Variants in FSTL4 observed in about 807,000 individuals in gnomAD.
The protein encoded by FSTL4 is follistatin-related protein 4.
FSTL4 carries 28 observed loss-of-function variants against 78.2 expected under a neutral mutation model. The ratio of observed to expected loss-of-function variants is 0.36; its 90% confidence interval spans 0.27 to 0.49. FSTL4 has a LOEUF of 0.49. Ranked by LOEUF, FSTL4 falls within the 20% of genes least tolerant of loss-of-function variation. The pLI is 0.98. For missense variants in FSTL4, 922 were observed against 1,084.9 expected, an observed-to-expected ratio of 0.85 and a Z score of 2.11; for synonymous variants, 422 against 440.5, an observed-to-expected ratio of 0.96 and a Z score of 0.53.
At chr5:133,517,249 C>A (rs1758872287) in intron 3 of FSTL4, among the ~76,000 whole-genome samples, 1 of 150,306 alleles carries the variant, frequency 6.7e-6, no homozygotes, top group African/African-American at 2.5e-5. Context: ...ATGGTGAAAC[C>A]TGTTCTCTAC....
the FSTL4 span, among the ~76,000 whole-genome samples, chr5:133,677,151 T>G: frequency 1.3e-3 from 197 of 152,248 alleles, 1 homozygote; most frequent in Non-Finnish European, 2.5e-3. Flanking sequence ...TGCCTCTGTT[T>G]AAAGGCTGAA....
chr5:133,353,470 C>T (rs1457775103), intron 4 of FSTL4, among the ~76,000 whole-genome samples: 2 of 152,160 alleles, frequency 1.3e-5, no homozygotes, highest in African/African-American at 4.8e-5. Context: ...AAAAGAGGCC[C>T]CAGGCGTTCC....
the FSTL4 span, among the ~76,000 whole-genome samples, chr5:133,653,429 G>A: frequency 1.1e-4 from 17 of 152,124 alleles, no homozygotes; most frequent in East Asian, 5.8e-4. Flanking sequence ...GAGGCGCCCC[G>A]TGTGAAAGCT....
At chr5:133,717,612 G>A in the FSTL4 span, among the ~76,000 whole-genome samples, 1 of 152,144 alleles carries the variant, frequency 6.6e-6, no homozygotes, top group African/African-American at 2.4e-5. Flanking sequence ...ACAATAATCT[G>A]CTTTCTGTGG....
At chr5:133,707,433 C>T in the FSTL4 span, among the ~76,000 whole-genome samples, 2 of 152,154 alleles carry the variant, frequency 1.3e-5, no homozygotes. Context: ...TCTTCTGGGA[C>T]CTAAATGCAA....
the FSTL4 span, among the ~76,000 whole-genome samples, chr5:133,729,085 G>A: frequency 1.3e-5 from 2 of 152,170 alleles, no homozygotes; most frequent in Admixed American, 6.5e-5. Flanking sequence ...CTGAAGCTGA[G>A]AGGAACAATT....
Position 133,400,999 on chromosome 5 carries a change from C to T in FSTL4, c.161-13G>A. On this transcript the variant is annotated splice_polypyrimidine_tract_variant and intron_variant, in intron 3 of 15. Transcript: ENST00000265342. ...TGGCTGGAAAGCCCTGCCAGACACA[C>T]AAACACAGAGGGTCAGCTGTAAACA... is the stretch of plus-strand genomic sequence containing the variant. The T allele has an allele frequency of 6.2e-7, 1 of 1,612,626 alleles. No homozygotes were observed. Among genetic ancestry groups the T allele is most frequent in the Non-Finnish European group, 8.5e-7 (1 of 1,179,930 alleles).
chr5:133,814,631 G>A, the FSTL4 span, among the ~76,000 whole-genome samples: 1 of 152,100 alleles, frequency 6.6e-6, no homozygotes, highest in African/African-American at 2.4e-5. Context: ...AAAAAATAAG[G>A]GCCAGAGAAG....
chr5:133,318,800 C>A (rs1003378695), intron 4 of FSTL4, among the ~76,000 whole-genome samples: 6 of 152,252 alleles, frequency 3.9e-5, no homozygotes, highest in African/African-American at 1.4e-4. Context: ...ATCCCCCCAA[C>A]CTTCCTCCTG....
Position 133,199,917 on chromosome 5 carries a change from C to T in FSTL4, c.1827-120G>A, listed in dbSNP as rs1750267773. ...TTATAATCCTTCAGTGATCTAATAGCCTAGTAATAAGATCTATCATTCTGC... is the reference window on the plus strand; with the variant it reads ...TTATAATCCTTCAGTGATCTAATAGTCTAGTAATAAGATCTATCATTCTGC... On this transcript the variant is annotated intron_variant, in intron 15 of 15. Transcript: ENST00000265342. The surrounding 1 kb of genome is among the most constrained non-coding windows in gnomAD (Gnocchi z 4.4). 3.3e-6 allele frequency: 2 copies of T among 611,950 alleles called. No individual in the cohort carries two copies. The highest frequency in any genetic ancestry group is 2.9e-5 in the Admixed American group (1 of 33,910). 37.9% of individuals were successfully genotyped at this position (611,950 alleles called of 1,614,324 possible). A position where few individuals can be genotyped will look rare whatever the true frequency, so the allele number is the denominator to read the frequency against.
chr5:133,763,613 A>G, the FSTL4 span, among the ~76,000 whole-genome samples: 1 of 152,170 alleles, frequency 6.6e-6, no homozygotes, highest in Admixed American at 6.5e-5. Context: ...CATCCAGCAC[A>G]TTCATCTGGG....
intron 3 of FSTL4, among the ~76,000 whole-genome samples, chr5:133,536,766 AGTATTCC>A (rs1224715625): frequency 6.6e-6 from 1 of 152,198 alleles, no homozygotes; most frequent in Non-Finnish European, 1.5e-5. Flanking sequence ...CTCTGGGTAT[AGTATTCC>A]AGATCTATCT....
At chr5:133,297,170 A>G (rs565950317) in intron 6 of FSTL4, among the ~76,000 whole-genome samples, 1 of 152,368 alleles carries the variant, frequency 6.6e-6, no homozygotes, top group South Asian at 2.1e-4. Context: ...CACAAATGGT[A>G]TCCTACGTGC....
chr5:133,660,041 C>T, the FSTL4 span, among the ~76,000 whole-genome samples: 1 of 152,150 alleles, frequency 6.6e-6, no homozygotes, highest in Admixed American at 6.5e-5. Context: ...GTTTTGTCTA[C>T]CCAATATGCT....
At chr5:133,805,208 C>A in the FSTL4 span, among the ~76,000 whole-genome samples, 1 of 152,082 alleles carries the variant, frequency 6.6e-6, no homozygotes, top group Non-Finnish European at 1.5e-5. Flanking sequence ...CCTAGGGAGG[C>A]AATGAAGGTC....
At chr5:133,823,056 A>G in the FSTL4 span, among the ~76,000 whole-genome samples, 1 of 152,194 alleles carries the variant, frequency 6.6e-6, no homozygotes, top group Non-Finnish European at 1.5e-5. Context: ...TAAACAGGTA[A>G]AGCATATGGT....
chr5:133,621,662 G>A, the FSTL4 span, among the ~76,000 whole-genome samples: 2 of 151,916 alleles, frequency 1.3e-5, no homozygotes, highest in Admixed American at 1.3e-4. Flanking sequence ...TATACTGCTC[G>A]GGTGAAGGGT....
chr5:133,399,806 C>T (rs932431807), intron 4 of FSTL4, among the ~76,000 whole-genome samples: 10 of 152,242 alleles, frequency 6.6e-5, no homozygotes, highest in African/African-American at 1.9e-4. Flanking sequence ...AGTGGGCTCT[C>T]GTAGCTCAGG....
intron 4 of FSTL4, among the ~76,000 whole-genome samples, chr5:133,370,617 G>A (rs1382705982): frequency 6.6e-6 from 1 of 152,008 alleles, no homozygotes; most frequent in African/African-American, 2.4e-5. Context: ...GGCAGCATGG[G>A]TCCTGAAGCA....
Sources: gnomAD v4.1 joint callset for allele counts (sites outside exome capture counted in the v4.1 genomes callset) on GRCh38, gnomAD v4.1.1 for gene constraint, Gnocchi (gnomAD v3.1) non-coding constraint, MANE v1.5 for transcripts, NCBI Gene and HGNC (gene_info 2026-07-23, HGNC 2026-07-21) for gene names.